Variants in SNAP29 observed in about 807,000 individuals in gnomAD.
SNAP29 encodes synaptosome associated protein 29, also known as synaptosomal-associated protein 29.
A neutral mutation model predicts 27.9 loss-of-function variants in SNAP29; 13 were observed. That is an observed-to-expected ratio of 0.47 (90% CI 0.30 to 0.74). The LOEUF is 0.74. SNAP29 is among the 30% of genes least tolerant of loss of function. SNAP29 has a pLI of 0.06. For synonymous variants in SNAP29, 119 were observed against 127.1 expected, an observed-to-expected ratio of 0.94 and a Z score of 0.43; for missense variants, 368 against 336.5, an observed-to-expected ratio of 1.09 and a Z score of -0.73.
chr22:20,874,313 C>G (rs1208868146), intron 2 of SNAP29, among the ~76,000 whole-genome samples: 1 of 136,290 alleles, frequency 7.3e-6, no homozygotes, highest in East Asian at 2.1e-4. Flanking sequence ...CACAGACACA[C>G]ACAGACACAC....
At chr22:20,864,242 A>G (rs1277591519) in intron 1 of SNAP29, among the ~76,000 whole-genome samples, 1 of 152,172 alleles carries the variant, frequency 6.6e-6, no homozygotes, top group African/African-American at 2.4e-5. Flanking sequence ...CGGCTGGCAC[A>G]GTAACATCAA....
chr22:20,867,301 G>A (rs1055636855), intron 1 of SNAP29, among the ~76,000 whole-genome samples: 9 of 151,634 alleles, frequency 5.9e-5, no homozygotes, highest in Admixed American at 2.0e-4. Context: ...ATTCTCCCAC[G>A]GGAAGTTGGA....
In SNAP29 at chr22:20,884,189, C is replaced by T. The variant is rs528758461; in HGVS notation, c.619+620C>T. ...CTCTACTAAAAATACAAAAATTAGCCGGGCGTGGTGGCAGGCGCCTGTAAT... is the reference window on the plus strand; with the variant it reads ...CTCTACTAAAAATACAAAAATTAGCTGGGCGTGGTGGCAGGCGCCTGTAAT... On this transcript the variant is annotated intron_variant, in intron 4 of 4. Coordinates refer to ENST00000215730, the MANE Select transcript of SNAP29 (RefSeq NM_004782.4). Among the ~76,000 whole-genome samples the T allele has an allele frequency of 7.9e-5, 12 of 152,070 alleles. No homozygotes were observed. The South Asian group carries it at 2.1e-3, about 26-fold the overall frequency.
At chr22:20,874,051 G>A (rs547519287) in intron 2 of SNAP29, among the ~76,000 whole-genome samples, 3 of 150,594 alleles carry the variant, frequency 2.0e-5, no homozygotes, top group East Asian at 2.0e-4. Context: ...CAAGGCCAAC[G>A]GAGCACGAGG....
intron 3 of SNAP29, among the ~76,000 whole-genome samples, 189 bp downstream of exon 3, chr22:20,881,323 A>G (rs941367960): frequency 5.3e-5 from 8 of 152,184 alleles, no homozygotes; most frequent in Non-Finnish European, 1.2e-4. Flanking sequence ...GGGGGTGTGC[A>G]TTATGGTGGG....
chr22:20,875,804 T>A (rs914883522), intron 2 of SNAP29, among the ~76,000 whole-genome samples: 1 of 151,890 alleles, frequency 6.6e-6, no homozygotes, highest in Non-Finnish European at 1.5e-5. Flanking sequence ...ACATAAAAAA[T>A]TTTTAAAGCT....
chr22:20,887,201 G>A (rs541574078), intron 4 of SNAP29, among the ~76,000 whole-genome samples: 14 of 146,474 alleles, frequency 9.6e-5, no homozygotes, highest in Admixed American at 3.4e-4. Flanking sequence ...CTCCAGCCTG[G>A]ACAAAAGAGC....
Position 20,870,339 on chromosome 22 carries a change from G to A in SNAP29, c.240G>A (p.Glu80=), listed in dbSNP as rs528593119. Residue 80 remains glutamate (E), a splice_region_variant and synonymous_variant, in exon 2 of 5, where the codon GAG becomes GAA. Transcript: ENST00000215730. ...SEKVGVASSE[E]LARQRGVLER... is the part of the protein sequence containing the mutation. ...CCACTGCCTCTCGGTTTCCCCAGGA[G>A]CTCGCCCGTCAGCGAGGAGTCCTGG... 3.6e-5 allele frequency: 58 copies of A among 1,614,130 alleles called. 1 individual carries two copies. In the East Asian group the frequency reaches 1.3e-3, roughly 35 times the overall value.
At chr22:20,868,516 C>A (rs528004374) in intron 1 of SNAP29, among the ~76,000 whole-genome samples, 1 of 152,312 alleles carries the variant, frequency 6.6e-6, no homozygotes, top group South Asian at 2.1e-4. Flanking sequence ...TTTAAGGAAG[C>A]CACAACCATT....
intron 2 of SNAP29, among the ~76,000 whole-genome samples, chr22:20,879,034 GCA>G (rs1309598345): frequency 6.6e-6 from 1 of 152,184 alleles, no homozygotes; most frequent in South Asian, 2.1e-4. Context: ...GTGGCCGGGT[GCA>G]GTGGCTCACG....
chr22:20,869,054 T>A (rs1273557536), intron 1 of SNAP29, among the ~76,000 whole-genome samples: 1 of 152,174 alleles, frequency 6.6e-6, no homozygotes, highest in East Asian at 1.9e-4. Context: ...AGGCGGGTGG[T>A]TCGAGACCAG....
intron 4 of SNAP29, among the ~76,000 whole-genome samples, chr22:20,886,249 G>T (rs994110309): frequency 2.0e-5 from 3 of 150,366 alleles, no homozygotes; most frequent in African/African-American, 7.3e-5. Flanking sequence ...CAGCCTCCCA[G>T]AGTGCTGGGA....
chr22:20,872,168 C>A (rs1009697850), intron 2 of SNAP29, among the ~76,000 whole-genome samples: 1 of 152,056 alleles, frequency 6.6e-6, no homozygotes, highest in African/African-American at 2.4e-5. Flanking sequence ...AGAAAAACTG[C>A]TTGATATTAT....
chr22:20,859,993 T>A (rs1057192152), intron 1 of SNAP29, among the ~76,000 whole-genome samples: 1 of 152,154 alleles, frequency 6.6e-6, no homozygotes, highest in Non-Finnish European at 1.5e-5. Flanking sequence ...GTTAAGAGTT[T>A]GTTGCTCCAA....
In SNAP29 at chr22:20,870,419, A is replaced by G. The variant is rs1279651068; in HGVS notation, c.320A>G (p.Lys107Arg). 3 of 1,614,186 alleles carry G rather than the reference A, an allele frequency of 1.9e-6. No individual in the cohort carries two copies. In the Admixed American group the frequency reaches 5.0e-5, roughly 27 times the overall value. ...KMDQDLKISQ[K>R]HINSIKSVFG... ...GACCAAGATTTGAAGATCAGCCAGA[A>G]ACACATCAATAGCATTAAGAGCGTG... Residue 107 changes from lysine (K) to arginine (R), a missense_variant, in exon 2 of 5, where the codon AAA (lysine) becomes AGA (arginine). Physicochemically the swap from Lys to Arg is conservative, Grantham distance 26 (BLOSUM62 2). Transcript: ENST00000215730.
At chr22:20,883,687 C>G in intron 4 of SNAP29, 118 bp downstream of exon 4, 2 of 741,588 alleles carry the variant, frequency 2.7e-6, no homozygotes, top group Non-Finnish European at 5.0e-6. Context: ...CATCACATCC[C>G]ACGCCAAGCT....
In SNAP29 at chr22:20,888,311, TCA is replaced by T. The variant is rs575240461; in HGVS notation, c.*519_*520del. ...CACACCTTTGTTTAGGAGTCATCAT[TCA>T]CACACACACACACACACACACACAC... On this transcript the variant is annotated 3_prime_UTR_variant, in exon 5 of 5. Coordinates refer to ENST00000215730, the MANE Select transcript of SNAP29 (RefSeq NM_004782.4). 8,509 of 174,316 alleles carry T rather than the reference TCA, an allele frequency of 0.049. 245 individuals are homozygous for T. The highest frequency in any genetic ancestry group is 0.056 in the East Asian group (369 of 6,560). The allele number at this position is 174,316 out of a possible 1,614,324, so 10.8% of individuals were successfully genotyped here. A position where few individuals can be genotyped will look rare whatever the true frequency, so the allele number is the denominator to read the frequency against.
chr22:20,867,400 C>T (rs906121533), intron 1 of SNAP29, among the ~76,000 whole-genome samples: 1 of 152,028 alleles, frequency 6.6e-6, no homozygotes, highest in African/African-American at 2.4e-5. Context: ...GGCTGGGGCA[C>T]AGGTGTCTGC....
intron 1 of SNAP29, among the ~76,000 whole-genome samples, chr22:20,865,744 CAT>C (rs1395435090): frequency 2.0e-5 from 3 of 152,206 alleles, no homozygotes; most frequent in Non-Finnish European, 4.4e-5. Context: ...GAAAAAAGTG[CAT>C]AGGGCAGCGT....
Sources: allele counts gnomAD v4.1 joint callset (sites outside exome capture counted in the v4.1 genomes callset), GRCh38; gene constraint gnomAD v4.1.1; transcripts MANE v1.5; gene names NCBI Gene and HGNC (gene_info 2026-07-23, HGNC 2026-07-21).